Variants in SLC7A11 observed in about 807,000 individuals in gnomAD.
The protein encoded by SLC7A11 is solute carrier family 7 member 11.
SLC7A11 carries 35 observed loss-of-function variants against 54.5 expected under a neutral mutation model. The ratio of observed to expected loss-of-function variants is 0.64; its 90% CI spans 0.49 to 0.85. The LOEUF is 0.85. Ranked by LOEUF, SLC7A11 falls within the 40% of genes least tolerant of loss-of-function variation. The pLI, the probability that SLC7A11 is intolerant of heterozygous loss-of-function variation, is 0.00. For synonymous variants in SLC7A11, 230 were observed against 225.2 expected (o/e 1.02, Z -0.19); for missense variants, 583 against 618.1 (o/e 0.94, Z 0.60).
chr4:138,205,344 T>G (rs1244147872), intron 6 of SLC7A11, among the ~76,000 whole-genome samples: 1 of 152,114 alleles, frequency 6.6e-6, no homozygotes, highest in Non-Finnish European at 1.5e-5. Context: ...ATGTTTACAT[T>G]GGTAATACAG....
chr4:138,226,619 C>G (rs139978098), intron 3 of SLC7A11, among the ~76,000 whole-genome samples: 1 of 152,026 alleles, frequency 6.6e-6, no homozygotes, highest in Non-Finnish European at 1.5e-5. Context: ...TGTTTCATCA[C>G]GTGTCTTTAC....
At chr4:138,237,336 G>T (rs1738237162) in intron 1 of SLC7A11, among the ~76,000 whole-genome samples, 1 of 151,294 alleles carries the variant, frequency 6.6e-6, no homozygotes, top group Non-Finnish European at 1.5e-5. Context: ...AATGAATTCT[G>T]ACTCTGTTTC....
rs536844355 is a variant in SLC7A11 at position 138,218,174 on chromosome 4, A to G, written c.746+1092T>C. On this transcript the variant is annotated intron_variant, in intron 5 of 11. Transcript: ENST00000280612. ...GCTCCATTCATTTTGAAATATATCC[A>G]TATTCCATGCATCGGCTAGAAGGTA... Among the ~76,000 whole-genome samples, 3 of 152,312 alleles carry G rather than the reference A, an allele frequency of 2.0e-5. No homozygotes were observed. The South Asian group carries it at 6.2e-4, about 32-fold the overall frequency.
At chr4:138,172,543 C>T (rs1578625119) in intron 11 of SLC7A11, among the ~76,000 whole-genome samples, 2 of 152,174 alleles carry the variant, frequency 1.3e-5, no homozygotes. Flanking sequence ...AAGTGCGGTC[C>T]CTGGACCAAC....
rs983289305 is a variant in SLC7A11 at position 138,171,114 on chromosome 4, CA to C, written c.*841del. 11 of 152,054 alleles carry C rather than the reference CA, an allele frequency of 7.2e-5. No homozygotes were observed. Among genetic ancestry groups the C allele is most frequent in the Non-Finnish European group, 1.6e-4 (11 of 67,968 alleles). 9.4% of individuals were successfully genotyped at this position (152,054 alleles called of 1,614,324 possible). ...AATGCATATGTTTAGATAGACTCAT[CA>C]GGGGTAAGTTATTAGTGAAACAGGT... On this transcript the variant is annotated 3_prime_UTR_variant, in exon 12 of 12. Transcript: ENST00000280612.
intron 6 of SLC7A11, among the ~76,000 whole-genome samples, chr4:138,211,015 G>C (rs1458222619): frequency 6.6e-6 from 1 of 151,856 alleles, no homozygotes; most frequent in Non-Finnish European, 1.5e-5. Flanking sequence ...TCAAAAGTGG[G>C]TTGGATAAAG....
At chr4:138,188,060 T>TA (rs903800555) in intron 6 of SLC7A11, among the ~76,000 whole-genome samples, 2 of 152,076 alleles carry the variant, frequency 1.3e-5, no homozygotes, top group Non-Finnish European at 2.9e-5. Context: ...TATTCTTTTT[T>TA]AAAAAAATTT....
At chr4:138,236,502 A>G (rs769614631) in intron 1 of SLC7A11, 51 bp from the exon 2 acceptor site, 3 of 1,537,934 alleles carry the variant, frequency 2.0e-6, no homozygotes. Flanking sequence ...TTTTCAAGAC[A>G]CCCAGCATTA....
At chr4:138,232,528 G>T (rs765967333) in intron 2 of SLC7A11, 146 bp from the exon 3 acceptor site, 13 of 614,320 alleles carry the variant, frequency 2.1e-5, no homozygotes, top group Non-Finnish European at 3.5e-5. Context: ...TGATTAGGTT[G>T]CCATAGACAT....
At chr4:138,234,504 C>A (rs1259977435) in intron 2 of SLC7A11, among the ~76,000 whole-genome samples, 2 of 151,860 alleles carry the variant, frequency 1.3e-5, no homozygotes, top group African/African-American at 2.4e-5. Context: ...ATTTTAAAAG[C>A]TTCTAGAATA....
intron 7 of SLC7A11, among the ~76,000 whole-genome samples, chr4:138,184,837 T>C (rs1560720300): frequency 6.6e-6 from 1 of 152,118 alleles, no homozygotes; most frequent in Non-Finnish European, 1.5e-5. Flanking sequence ...CCACCTATCT[T>C]TAAAGACATG....
intron 6 of SLC7A11, among the ~76,000 whole-genome samples, chr4:138,195,360 T>C (rs1364863505): frequency 6.6e-6 from 1 of 152,224 alleles, no homozygotes; most frequent in East Asian, 1.9e-4. Flanking sequence ...ATATTTCCCA[T>C]TGCATTTATT....
At chr4:138,212,938 AACAT>A (rs1560731900) in intron 6 of SLC7A11, among the ~76,000 whole-genome samples, 1 of 151,994 alleles carries the variant, frequency 6.6e-6, no homozygotes, top group Non-Finnish European at 1.5e-5. Context: ...CTTTAGACTT[AACAT>A]ACATAGTTAC....
At chr4:138,239,099 T>G (rs62324402) in intron 1 of SLC7A11, among the ~76,000 whole-genome samples, 13,895 of 152,270 alleles carry the variant, frequency 0.091, 850 homozygotes, top group East Asian at 0.12. Flanking sequence ...TTTTAACTAG[T>G]TGCAACTCAC....
chr4:138,171,650 ATG>A lies in SLC7A11; in HGVS notation c.*304_*305del, dbSNP rs1198956011. On this transcript the variant is annotated 3_prime_UTR_variant, in exon 12 of 12. Coordinates refer to ENST00000280612, the MANE Select transcript of SLC7A11 (RefSeq NM_014331.4). ...TGAAGGTTCTTTGCCGTGCTAACAT[ATG>A]TTGTAGAGAATGACCACATAGTAAT... The A allele has an allele frequency of 3.3e-6, 1 of 303,580 alleles. No homozygotes were observed. The highest frequency in any genetic ancestry group is 6.0e-6 in the Non-Finnish European group (1 of 166,460). 18.8% of individuals were successfully genotyped at this position (303,580 alleles called of 1,614,324 possible).
chr4:138,213,140 G>A (rs1350120894), intron 6 of SLC7A11, among the ~76,000 whole-genome samples: 1 of 151,998 alleles, frequency 6.6e-6, no homozygotes, highest in East Asian at 1.9e-4. Context: ...TCATTTCCAA[G>A]TAACGCTTAG....
intron 6 of SLC7A11, among the ~76,000 whole-genome samples, chr4:138,186,073 CAAT>C (rs780878190): frequency 2.9e-4 from 44 of 152,096 alleles, no homozygotes; most frequent in Non-Finnish European, 4.9e-4. Flanking sequence ...GACACAAATG[CAAT>C]ATTATGTCTT....
intron 2 of SLC7A11, among the ~76,000 whole-genome samples, chr4:138,234,970 CA>C (rs950913457): frequency 4.0e-5 from 6 of 151,590 alleles, no homozygotes; most frequent in Admixed American, 6.6e-5. Flanking sequence ...TAATATATGC[CA>C]AAAAAAGGGC....
intron 5 of SLC7A11, among the ~76,000 whole-genome samples, chr4:138,218,647 A>G (rs531669065): frequency 3.9e-5 from 6 of 152,340 alleles, no homozygotes; most frequent in Admixed American, 3.3e-4. Context: ...CTGTGGCATC[A>G]TGATTTTAAT....
Sources: gnomAD v4.1 joint callset for allele counts (sites outside exome capture counted in the v4.1 genomes callset) on GRCh38, gnomAD v4.1.1 for gene constraint, MANE v1.5 for transcripts, NCBI Gene and HGNC (gene_info 2026-07-23, HGNC 2026-07-21) for gene names.